BCAR3: variants seen among roughly 807,000 people sequenced by gnomAD.
BCAR3 encodes the protein BCAR3 adaptor protein, NSP family member.
BCAR3 carries 37 observed loss-of-function variants against 80.1 expected under a neutral mutation model. That is an observed-to-expected ratio of 0.46 (90% CI 0.36 to 0.61). The LOEUF (loss-of-function observed/expected upper bound fraction) is 0.61, where lower values mean the gene tolerates loss of function less well. Ranked by LOEUF, BCAR3 falls within the 20% of genes least tolerant of loss-of-function variation. The pLI is 0.00. For missense variants in BCAR3, 978 were observed against 1,068.2 expected (o/e 0.92, Z 1.18); for synonymous variants, 389 against 418.9 (o/e 0.93, Z 0.87).
chr1:93,567,703 C>CG (rs1237806665), intron 10 of BCAR3, 37 bp downstream of exon 10: 3 of 1,570,298 alleles, frequency 1.9e-6, no homozygotes, highest in Non-Finnish European at 2.6e-6. Context: ...CACTCCCCAG[C>CG]GGGGTAGCCC....
At chr1:93,824,860 C>T (rs1281810029) in intron 2 of BCAR3, among the ~76,000 whole-genome samples, 1 of 134,490 alleles carries the variant, frequency 7.4e-6, no homozygotes, top group African/African-American at 2.5e-5. Flanking sequence ...CCTCTGGGCA[C>T]TTTGTTCTGT....
chr1:93,629,812 C>A (rs1336512270), intron 3 of BCAR3, among the ~76,000 whole-genome samples: 1 of 152,202 alleles, frequency 6.6e-6, no homozygotes, highest in African/African-American at 2.4e-5. Context: ...CTTTTAAAAA[C>A]AGTGTATATC....
chr1:93,565,896 T>TA (rs1672929133), intron 11 of BCAR3, among the ~76,000 whole-genome samples: 3 of 152,338 alleles, frequency 2.0e-5, no homozygotes, highest in South Asian at 2.1e-4. Context: ...TTGAAGAATT[T>TA]AAAAAATTAT....
In BCAR3 at chr1:93,769,384, TG is replaced by T. The variant is rs1557682341; in HGVS notation, c.-62-63243del. Among the ~76,000 whole-genome samples, 226 of 151,162 alleles carry T rather than the reference TG, an allele frequency of 1.5e-3. 1 individual carries two copies. Among genetic ancestry groups the T allele is most frequent in the African/African-American group, 5.4e-3 (223 of 41,208 alleles). ...GTGTGTGTGTGTGTGTGTGTGTGTG[TG>T]TGTGTGTGTGTGTGTGTGTGTGTCA... is the stretch of plus-strand genomic sequence containing the variant. On this transcript the variant is annotated intron_variant, in intron 2 of 13. Transcript: ENST00000370244.
intron 2 of BCAR3, among the ~76,000 whole-genome samples, chr1:93,742,052 A>T (rs12745866): frequency 0.12 from 17,837 of 152,178 alleles, 1,466 homozygotes; most frequent in African/African-American, 0.22. Context: ...TGTAGACAGG[A>T]GAATGGAGAG....
chr1:93,589,465 A>G, intron 4 of BCAR3, 46 bp from the exon 5 acceptor site: 6 of 1,510,734 alleles, frequency 4.0e-6, no homozygotes, highest in Non-Finnish European at 5.4e-6. Context: ...GCAAATTCAC[A>G]TTCCTTCTAA....
intron 7 of BCAR3, among the ~76,000 whole-genome samples, chr1:93,580,432 G>A (rs747865374): frequency 2.6e-5 from 4 of 151,676 alleles, no homozygotes; most frequent in Non-Finnish European, 4.4e-5. Context: ...ACAACATCTG[G>A]TGTCTAGAAT....
In BCAR3 at chr1:93,846,876, A is replaced by G. The variant is rs752476649; in HGVS notation, c.-209+194T>C. Reference sequence around the variant, plus strand: ...TCCACCAGAGCCCGGATACCTCAGAAATTCGGCTCTGGGTCTGTGGGGAGC... The same window carrying G: ...TCCACCAGAGCCCGGATACCTCAGAGATTCGGCTCTGGGTCTGTGGGGAGC... On this transcript the variant is annotated intron_variant, in intron 1 of 13. Transcript: ENST00000370244. The G allele has an allele frequency of 5.0e-5, 24 of 482,966 alleles. No individual in the cohort carries two copies. In the Admixed American group the frequency reaches 5.2e-4, roughly 11 times the overall value. 29.9% of individuals were successfully genotyped at this position (482,966 alleles called of 1,614,324 possible). A position where few individuals can be genotyped will look rare whatever the true frequency, so the allele number is the denominator to read the frequency against.
chr1:93,576,224 G>A, intron 7 of BCAR3, 95 bp from the exon 8 acceptor site: 1 of 787,094 alleles, frequency 1.3e-6, no homozygotes, highest in Non-Finnish European at 2.0e-6. Context: ...GAACTACGAT[G>A]GCGTGGACAC....
intron 3 of BCAR3, among the ~76,000 whole-genome samples, chr1:93,702,310 G>C (rs1009164515): frequency 1.3e-5 from 2 of 152,184 alleles, no homozygotes; most frequent in Admixed American, 1.3e-4. Flanking sequence ...AGGCAGGTCA[G>C]GAGGGAGAGT....
intron 3 of BCAR3, among the ~76,000 whole-genome samples, chr1:93,688,902 G>T (rs6684568): frequency 0.28 from 43,006 of 151,908 alleles, 8,878 homozygotes; most frequent in African/African-American, 0.6. Flanking sequence ...CTCCCAAAGT[G>T]CTGGGATTAC....
At chr1:93,694,796 T>C (rs1649328049) in intron 3 of BCAR3, among the ~76,000 whole-genome samples, 1 of 152,218 alleles carries the variant, frequency 6.6e-6, no homozygotes, top group African/African-American at 2.4e-5. Flanking sequence ...CCTCCTGTTG[T>C]AATCCACCAA....
chr1:93,688,829 G>T (rs1036828912), intron 3 of BCAR3, among the ~76,000 whole-genome samples: 1 of 151,854 alleles, frequency 6.6e-6, no homozygotes, highest in African/African-American at 2.4e-5. Context: ...TAGAGACAGG[G>T]TTTCACCACG....
At chr1:93,846,342 G>A (rs1201368250) in intron 1 of BCAR3, among the ~76,000 whole-genome samples, 1 of 152,212 alleles carries the variant, frequency 6.6e-6, no homozygotes, top group Non-Finnish European at 1.5e-5. Flanking sequence ...GAGAAAGCGC[G>A]CCCAGCGGCC....
intron 2 of BCAR3, among the ~76,000 whole-genome samples, chr1:93,648,168 A>G (rs982186347): frequency 1.3e-5 from 2 of 152,256 alleles, no homozygotes; most frequent in Non-Finnish European, 2.9e-5. Context: ...CAAACACGAC[A>G]TAGCATTGGA....
chr1:93,818,494 C>T (rs772008104), intron 2 of BCAR3, among the ~76,000 whole-genome samples: 11 of 152,268 alleles, frequency 7.2e-5, no homozygotes, highest in Admixed American at 1.3e-4. Context: ...GTCTCCAGAG[C>T]GGAAGTGTCT....
At chr1:93,844,166 G>C (rs1158673448) in intron 2 of BCAR3, among the ~76,000 whole-genome samples, 1 of 152,158 alleles carries the variant, frequency 6.6e-6, no homozygotes, top group East Asian at 1.9e-4. Flanking sequence ...AATTAGCCGG[G>C]TGTGGTGGCA....
chr1:93,694,773 C>T (rs1328416884), intron 3 of BCAR3, among the ~76,000 whole-genome samples: 3 of 152,160 alleles, frequency 2.0e-5, no homozygotes, highest in Non-Finnish European at 4.4e-5. Context: ...TTTGGGAGAC[C>T]CCAAACCACA....
At chr1:93,590,493 T>C (rs1557849233) in intron 4 of BCAR3, 1 of 152,228 alleles carries the variant, frequency 6.6e-6, no homozygotes, top group Non-Finnish European at 1.5e-5. Context: ...GTTATCCAGT[T>C]TGGAACGATT....
Sources: gnomAD v4.1 joint callset for allele counts (sites outside exome capture counted in the v4.1 genomes callset) on GRCh38, gnomAD v4.1.1 for gene constraint, MANE v1.5 for transcripts, NCBI Gene and HGNC (gene_info 2026-07-23, HGNC 2026-07-21) for gene names.